ZDHHC15: variants seen among roughly 807,000 people sequenced by gnomAD.
ZDHHC15 encodes palmitoyltransferase ZDHHC15.
ZDHHC15 carries 19 observed loss-of-function variants against 31.7 expected under a neutral mutation model. That is an observed-to-expected ratio of 0.60 (90% CI 0.42 to 0.88). The LOEUF is 0.88. Ranked by LOEUF, ZDHHC15 falls within the 40% of genes least tolerant of loss-of-function variation. The pLI, the probability that ZDHHC15 is intolerant of heterozygous loss-of-function variation, is 0.00. For missense variants in ZDHHC15, 209 were observed against 251.2 expected (o/e 0.83, Z 1.14); for synonymous variants, 103 against 90.0 (o/e 1.14, Z -0.82).
intron 3 of ZDHHC15, among the ~76,000 whole-genome samples, chrX:75,478,567 T>C (rs2084640823): frequency 9.0e-6 from 1 of 111,254 alleles, no homozygotes; most frequent in Admixed American, 9.6e-5. Flanking sequence ...ATTCTGTGTA[T>C]TGACAGGGTC....
chrX:75,441,784 C>A (rs955997042), intron 4 of ZDHHC15, among the ~76,000 whole-genome samples: 1 of 109,884 alleles, frequency 9.1e-6, no homozygotes, highest in South Asian at 4.0e-4. Flanking sequence ...CCACTGCGCA[C>A]GGCTAATTTT....
chrX:75,383,646 C>A (rs749886580), intron 10 of ZDHHC15, among the ~76,000 whole-genome samples: 8 of 110,013 alleles, frequency 7.3e-5, no homozygotes, highest in Non-Finnish European at 1.5e-4. Flanking sequence ...TTCATTTGAC[C>A]AATAACATAT....
In ZDHHC15 at chrX:75,495,403, G is replaced by C. The variant is rs1472450446; in HGVS notation, c.163+10418C>G. On this transcript the variant is annotated intron_variant, in intron 2 of 11. Transcript: ENST00000373367. Reference sequence around the variant, plus strand: ...CCTCAGGGATCTAGAACTAGAAATAGCATTTGACCCAGCCATCCCATTACT... The same window carrying C: ...CCTCAGGGATCTAGAACTAGAAATACCATTTGACCCAGCCATCCCATTACT... Among the ~76,000 whole-genome samples the C allele has an allele frequency of 7.0e-4, 78 of 111,176 alleles. 1 individual carries two copies. Among genetic ancestry groups the C allele is most frequent in the Middle Eastern group, 9.2e-3 (2 of 217 alleles).
chrX:75,491,765 C>T (rs947961847), intron 2 of ZDHHC15, among the ~76,000 whole-genome samples: 1 of 110,966 alleles, frequency 9.0e-6, no homozygotes, highest in African/African-American at 3.3e-5. Context: ...ACCACCAGGC[C>T]TGCCCTAAAA....
At chrX:75,415,134 T>G (rs1432229190) in intron 10 of ZDHHC15, among the ~76,000 whole-genome samples, 2 of 111,708 alleles carry the variant, frequency 1.8e-5, no homozygotes, top group African/African-American at 6.5e-5. Context: ...AAAATTCCAC[T>G]TGATTCCTAA....
intron 2 of ZDHHC15, among the ~76,000 whole-genome samples, chrX:75,488,032 A>T (rs2084806087): frequency 8.9e-6 from 1 of 112,424 alleles, no homozygotes; most frequent in Non-Finnish European, 1.9e-5. Context: ...GATTATGTCA[A>T]ATGTCCAAAC....
intron 3 of ZDHHC15, among the ~76,000 whole-genome samples, chrX:75,467,504 G>A (rs2084425633): frequency 8.9e-6 from 1 of 112,238 alleles, no homozygotes; most frequent in African/African-American, 3.2e-5. Context: ...TGATAGATTG[G>A]GATGTACTTG....
At chrX:75,464,614 C>A (rs2084373663) in intron 3 of ZDHHC15, among the ~76,000 whole-genome samples, 1 of 111,228 alleles carries the variant, frequency 9.0e-6, no homozygotes. Flanking sequence ...CTATTCACAA[C>A]AATCAAGGTG....
chrX:75,484,760 A>T, intron 2 of ZDHHC15, among the ~76,000 whole-genome samples: 1 of 112,176 alleles, frequency 8.9e-6, no homozygotes. Context: ...ACAAAGGCTT[A>T]TACATATATA....
At chrX:75,385,668 C>T (rs1235117064) in intron 10 of ZDHHC15, among the ~76,000 whole-genome samples, 2 of 111,199 alleles carry the variant, frequency 1.8e-5, no homozygotes, top group African/African-American at 6.5e-5. Context: ...GTCCCCCTCA[C>T]TTAGCTTGGG....
intron 1 of ZDHHC15, among the ~76,000 whole-genome samples, chrX:75,519,171 G>T (rs570614346): frequency 9.1e-6 from 1 of 110,110 alleles, no homozygotes; most frequent in South Asian, 4.0e-4. Context: ...GCACTGAGGC[G>T]AACACTTAAA....
chrX:75,436,775 T>C (rs1434203351), intron 4 of ZDHHC15, among the ~76,000 whole-genome samples: 1 of 113,062 alleles, frequency 8.8e-6, no homozygotes, highest in Non-Finnish European at 1.9e-5. Flanking sequence ...TCTTGAATAA[T>C]GTTCCATGTG....
At chrX:75,494,966 C>A (rs1324114637) in intron 2 of ZDHHC15, among the ~76,000 whole-genome samples, 1 of 111,571 alleles carries the variant, frequency 9.0e-6, no homozygotes, top group African/African-American at 3.3e-5. Flanking sequence ...TTCTGCACAG[C>A]AAAAGAAACT....
At chrX:75,508,358 A>C (rs1223725136) in intron 1 of ZDHHC15, among the ~76,000 whole-genome samples, 1 of 86,456 alleles carries the variant, frequency 1.2e-5, no homozygotes, top group East Asian at 3.9e-4. Flanking sequence ...AAGTGTTCTC[A>C]TTGTTCAATT....
At chrX:75,387,648 T>C (rs1269922937) in intron 10 of ZDHHC15, among the ~76,000 whole-genome samples, 1 of 111,842 alleles carries the variant, frequency 8.9e-6, no homozygotes, top group Non-Finnish European at 1.9e-5. Flanking sequence ...AGAGATCACC[T>C]ACAAGATACA....
At chrX:75,519,769 T>G (rs909077789) in intron 1 of ZDHHC15, among the ~76,000 whole-genome samples, 2 of 112,122 alleles carry the variant, frequency 1.8e-5, no homozygotes, top group Non-Finnish European at 3.8e-5. Context: ...TGTGTGGCCT[T>G]AGGAAAATTT....
chrX:75,465,940 T>C (rs751072564), intron 3 of ZDHHC15, among the ~76,000 whole-genome samples: 2 of 110,590 alleles, frequency 1.8e-5, no homozygotes, highest in South Asian at 7.6e-4. Flanking sequence ...AAAGAAAAAA[T>C]TGACAAATGG....
At chrX:75,484,339 C>T (rs1444585245) in intron 2 of ZDHHC15, among the ~76,000 whole-genome samples, 1 of 111,628 alleles carries the variant, frequency 9.0e-6, no homozygotes, top group Non-Finnish European at 1.9e-5. Flanking sequence ...TATACTCAGG[C>T]ATTTAAAGAT....
At chrX:75,385,118 A>G (rs1440745042) in intron 10 of ZDHHC15, among the ~76,000 whole-genome samples, 1 of 111,956 alleles carries the variant, frequency 8.9e-6, no homozygotes, top group Admixed American at 9.5e-5. Flanking sequence ...TTTTTTCTTC[A>G]AGCAAGAGTT....
Sources: gnomAD v4.1 joint callset for allele counts (sites outside exome capture counted in the v4.1 genomes callset) on GRCh38, gnomAD v4.1.1 for gene constraint, MANE v1.5 for transcripts, NCBI Gene and HGNC (gene_info 2026-07-23, HGNC 2026-07-21) for gene names.